TBL1XR1: variants seen among roughly 807,000 people sequenced by gnomAD.
TBL1XR1 encodes the protein TBL1X/Y related 1.
In TBL1XR1, 5 loss-of-function variants were observed where a neutral mutation model predicts 66.9. The ratio of observed to expected loss-of-function variants is 0.07; its 90% CI spans 0.04 to 0.16. TBL1XR1 has a LOEUF of 0.16. TBL1XR1 is among the 10% of genes least tolerant of loss of function. The probability of loss-of-function intolerance (pLI) is 1.00; values close to 1 mark genes in which losing one functional copy is unlikely to be tolerated. For missense variants in TBL1XR1, 238 were observed against 623.2 expected (o/e 0.38, Z 6.58); for synonymous variants, 210 against 206.0 (o/e 1.02, Z -0.17).
chr3:177,049,159 AT>A (rs1391840689), intron 7 of TBL1XR1, among the ~76,000 whole-genome samples: 1 of 152,234 alleles, frequency 6.6e-6, no homozygotes, highest in Non-Finnish European at 1.5e-5. Context: ...GGGGATAATC[AT>A]TTTAAAGATA....
At chr3:177,150,936 G>A (rs1304225348) in intron 1 of TBL1XR1, among the ~76,000 whole-genome samples, 1 of 152,176 alleles carries the variant, frequency 6.6e-6, no homozygotes, top group Non-Finnish European at 1.5e-5. Flanking sequence ...TGTATTGGAA[G>A]GTGAGTTGTT....
intron 2 of TBL1XR1, among the ~76,000 whole-genome samples, chr3:177,087,288 A>AAT (rs1722261810): frequency 6.6e-6 from 1 of 151,966 alleles, no homozygotes; most frequent in Non-Finnish European, 1.5e-5. Context: ...TGTTTAAAGT[A>AAT]CCTCTATGTA....
At chr3:177,187,775 C>A (rs1003336738) in intron 1 of TBL1XR1, among the ~76,000 whole-genome samples, 1 of 151,796 alleles carries the variant, frequency 6.6e-6, no homozygotes, top group Admixed American at 6.6e-5. Flanking sequence ...GGAAAAAAAG[C>A]ACTTATTGAT....
At position 177,053,855 on chromosome 3, in the gene TBL1XR1, C is replaced by G. The variant is rs1234470093; in HGVS notation, c.122G>C (p.Gly41Ala). The G allele has an allele frequency of 6.2e-7, 1 of 1,613,616 alleles. No individual in the cohort carries two copies. The highest frequency in any genetic ancestry group is 1.3e-5 in the African/African-American group (1 of 74,880). The change falls in exon 4 of 16, where the codon GGT (glycine) becomes GCT (alanine). Residue 41 changes from glycine (G) to alanine (A), a missense_variant. Gly to Ala is a moderately conservative substitution (Grantham distance 60). Around this residue, in one of 8 missense-constraint regions of TBL1XR1, gnomAD observed 9 missense variants for 87.4 expected, o/e 0.10. Transcript: ENST00000457928. ...CAATGCAGCGGGTGGGACGAGGGCA[C>G]CATTTATATTGGACTGACTGATATG... ...ESHISQSNIN[G>A]ALVPPAALIS...
At chr3:177,050,697 C>G in intron 5 of TBL1XR1, 87 bp from the exon 6 acceptor site, 1 of 1,443,158 alleles carries the variant, frequency 6.9e-7, no homozygotes, top group Non-Finnish European at 9.6e-7. Context: ...CAAATACCTT[C>G]CTTTATCGCA....
chr3:177,152,922 C>G (rs1479040334), intron 1 of TBL1XR1, among the ~76,000 whole-genome samples: 2 of 152,112 alleles, frequency 1.3e-5, no homozygotes, highest in African/African-American at 4.8e-5. Context: ...TTGTGGATCA[C>G]TTGAGGTCAG....
chr3:177,071,220 CG>C (rs2108566288), intron 2 of TBL1XR1, among the ~76,000 whole-genome samples: 1 of 151,776 alleles, frequency 6.6e-6, no homozygotes, highest in East Asian at 1.9e-4. Flanking sequence ...TCAGTAGAGA[CG>C]GGGTTTCATC....
chr3:177,124,888 G>A (rs770899114), intron 1 of TBL1XR1, among the ~76,000 whole-genome samples: 1 of 151,924 alleles, frequency 6.6e-6, no homozygotes, highest in Non-Finnish European at 1.5e-5. Context: ...CAAAAGAAAT[G>A]AATTTAGAAC....
intron 10 of TBL1XR1, among the ~76,000 whole-genome samples, chr3:177,040,440 A>G (rs1715425222): frequency 6.6e-6 from 1 of 152,242 alleles, no homozygotes; most frequent in Non-Finnish European, 1.5e-5. Flanking sequence ...CTCATTGTGT[A>G]TATCCAAGCA....
intron 1 of TBL1XR1, among the ~76,000 whole-genome samples, chr3:177,169,956 G>C (rs1733264299): frequency 6.6e-6 from 1 of 152,108 alleles, no homozygotes; most frequent in African/African-American, 2.4e-5. Context: ...TCAGGTCCTA[G>C]CCTAGGACCT....
At chr3:177,059,100 C>G (rs1340601478) in intron 3 of TBL1XR1, among the ~76,000 whole-genome samples, 1 of 152,170 alleles carries the variant, frequency 6.6e-6, no homozygotes, top group African/African-American at 2.4e-5. Flanking sequence ...CTGATAAAAA[C>G]TAAAAGGCAG....
At chr3:177,072,486 AT>A (rs1474268540) in intron 2 of TBL1XR1, among the ~76,000 whole-genome samples, 2 of 149,580 alleles carry the variant, frequency 1.3e-5, no homozygotes, top group African/African-American at 2.5e-5. Context: ...AAAAAAAAAA[AT>A]TCCCTGAAGA....
intron 1 of TBL1XR1, among the ~76,000 whole-genome samples, chr3:177,194,321 T>C (rs542975742): frequency 6.6e-6 from 1 of 152,364 alleles, no homozygotes; most frequent in African/African-American, 2.4e-5. Context: ...CAGTGACTTA[T>C]ACTGTAAATG....
chr3:177,048,479 A>T (rs1716616041), intron 7 of TBL1XR1, among the ~76,000 whole-genome samples: 1 of 152,144 alleles, frequency 6.6e-6, no homozygotes, highest in Admixed American at 6.5e-5. Flanking sequence ...TGACAAACAA[A>T]AACAAATGCT....
At chr3:177,044,255 A>G (rs187851915) in intron 10 of TBL1XR1, among the ~76,000 whole-genome samples, 1 of 152,152 alleles carries the variant, frequency 6.6e-6, no homozygotes, top group South Asian at 2.1e-4. Context: ...AACATATGAT[A>G]TGGTTAATCT....
At chr3:177,071,971 A>AT (rs558563021) in intron 2 of TBL1XR1, among the ~76,000 whole-genome samples, 45 of 152,330 alleles carry the variant, frequency 3.0e-4, no homozygotes, top group African/African-American at 1.0e-3. Context: ...TGGGCTGGGG[A>AT]GAAGAGAAGT....
intron 1 of TBL1XR1, among the ~76,000 whole-genome samples, chr3:177,162,803 CAA>C (rs1732382882): frequency 1.3e-5 from 2 of 152,092 alleles, no homozygotes; most frequent in African/African-American, 4.8e-5. Context: ...CTTAAATATA[CAA>C]AAAGATGCTC....
At chr3:177,123,045 T>G (rs1348947234) in intron 1 of TBL1XR1, among the ~76,000 whole-genome samples, 1 of 152,122 alleles carries the variant, frequency 6.6e-6, no homozygotes, top group Non-Finnish European at 1.5e-5. Flanking sequence ...TCTTGTATCT[T>G]TTAATTGAGA....
At chr3:177,194,818 A>G (rs1736625483) in intron 1 of TBL1XR1, among the ~76,000 whole-genome samples, 1 of 152,202 alleles carries the variant, frequency 6.6e-6, no homozygotes, top group Non-Finnish European at 1.5e-5. Context: ...CAAATATCAA[A>G]AAGATTCTTA....
Sources: gnomAD v4.1 joint callset for allele counts (sites outside exome capture counted in the v4.1 genomes callset) on GRCh38, gnomAD v4.1.1 for gene constraint, gnomAD v4.1.1 regional missense constraint, MANE v1.5 for transcripts, NCBI Gene and HGNC (gene_info 2026-07-23, HGNC 2026-07-21) for gene names.